VPS54: variants seen among roughly 807,000 people sequenced by gnomAD.
VPS54 encodes the protein vacuolar protein sorting-associated protein 54.
In VPS54, 45 loss-of-function variants were observed where a neutral mutation model predicts 121.5. The observed-to-expected ratio is 0.37, with a 90% confidence interval of 0.29 to 0.47. VPS54 has a LOEUF of 0.47. VPS54 is among the 20% of genes least tolerant of loss of function. The probability of loss-of-function intolerance (pLI) is 0.99; values close to 1 mark genes in which losing one functional copy is unlikely to be tolerated. For missense variants in VPS54, 1,090 were observed against 1,131.4 expected (o/e 0.96, Z 0.52); for synonymous variants, 371 against 385.8 (o/e 0.96, Z 0.45).
chr2:63,902,519 C>T (rs944951155), intron 20 of VPS54, among the ~76,000 whole-genome samples: 2 of 151,994 alleles, frequency 1.3e-5, no homozygotes, highest in Non-Finnish European at 2.9e-5. Context: ...CTCACAGTCT[C>T]TACTGTTCTT....
chr2:63,992,848 T>C (rs777549729), intron 1 of VPS54, among the ~76,000 whole-genome samples: 54 of 152,232 alleles, frequency 3.5e-4, no homozygotes, highest in Admixed American at 3.9e-4. Flanking sequence ...AATCAGATTG[T>C]GAAAAATTTG....
chr2:63,916,473 C>A (rs192355866), intron 16 of VPS54, among the ~76,000 whole-genome samples: 2 of 152,062 alleles, frequency 1.3e-5, no homozygotes, highest in African/African-American at 2.4e-5. Context: ...ACTTAATTTT[C>A]GCAATAATTC....
intron 22 of VPS54, among the ~76,000 whole-genome samples, chr2:63,894,236 C>CA (rs1672346220): frequency 6.6e-6 from 1 of 152,180 alleles, no homozygotes; most frequent in South Asian, 2.1e-4. Flanking sequence ...CAGCCACTGT[C>CA]AATACCTAAC....
At chr2:64,011,246 G>C (rs1347229707) in intron 1 of VPS54, among the ~76,000 whole-genome samples, 1 of 152,058 alleles carries the variant, frequency 6.6e-6, no homozygotes, top group Admixed American at 6.6e-5. Flanking sequence ...CCAGCACTCA[G>C]AGAATTATAA....
chr2:63,893,459 T>C lies in VPS54; in HGVS notation c.2905A>G (p.Met969Val), dbSNP rs1575872982. 3.1e-6 allele frequency: 5 copies of C among 1,614,084 alleles called. No homozygotes were observed. Among genetic ancestry groups the C allele is most frequent in the Non-Finnish European group, 4.2e-6 (5 of 1,179,942 alleles). The part of the protein sequence containing the change: ...LKGLKDLDLN[M>V]AEIWEQKR ...CTCTTCTGCTCCCAAATTTCGGCCA[T>C]ATTTAGGTCCAAATCTTTAAGGCCT... The change falls in exon 23 of 23, where the codon ATG (methionine) becomes GTG (valine). Residue 969 changes from methionine to valine, a missense_variant. Met to Val is a conservative substitution (Grantham distance 21, BLOSUM62 1). Transcript: ENST00000272322.
intron 20 of VPS54, among the ~76,000 whole-genome samples, chr2:63,903,671 C>G (rs1318431407): frequency 6.6e-6 from 1 of 152,034 alleles, no homozygotes; most frequent in Non-Finnish European, 1.5e-5. Flanking sequence ...AAAGTTCTTA[C>G]ACAATCAGGG....
chr2:63,944,651 A>T lies in VPS54; in HGVS notation c.1250T>A (p.Val417Glu). 1.2e-6 allele frequency: 2 copies of T among 1,608,238 alleles called. No homozygotes were observed. Among genetic ancestry groups the T allele is most frequent in the Non-Finnish European group, 1.7e-6 (2 of 1,177,842 alleles). ...TTCTGTTTGTGAAACTTTATTAATC[A>T]CACACTGCAAAATTTAAGAAAAAAC... ...ITAKNIIKQC[V>E]INKVSQTEEI... Residue 417 changes from valine (V) to glutamate (E), a missense_variant, in exon 10 of 23, where the codon GTG (valine) becomes GAG (glutamate). By Grantham distance (121) the Val-to-Glu change is moderately radical. Transcript: ENST00000272322.
At chr2:63,960,594 G>A (rs1187150340) in intron 7 of VPS54, among the ~76,000 whole-genome samples, 1 of 152,102 alleles carries the variant, frequency 6.6e-6, no homozygotes, top group Non-Finnish European at 1.5e-5. Flanking sequence ...TCTCAGCTCT[G>A]TACTATCTAT....
intron 13 of VPS54, 89 bp from the exon 14 acceptor site, chr2:63,920,716 A>G (rs1673604330): frequency 8.4e-6 from 6 of 716,996 alleles, no homozygotes; most frequent in Non-Finnish European, 1.1e-5. Context: ...TATAATCTAT[A>G]TATTTTTTAT....
intron 7 of VPS54, among the ~76,000 whole-genome samples, chr2:63,950,697 C>G (rs1403711153): frequency 6.6e-6 from 1 of 152,174 alleles, no homozygotes; most frequent in Non-Finnish European, 1.5e-5. Context: ...TTCATTTGCA[C>G]AAAACAGTAA....
intron 1 of VPS54, among the ~76,000 whole-genome samples, chr2:63,990,564 C>T (rs887239969): frequency 2.0e-5 from 3 of 152,138 alleles, no homozygotes; most frequent in African/African-American, 7.2e-5. Flanking sequence ...CACCAGGATA[C>T]CTCTGCTCCT....
intron 1 of VPS54, among the ~76,000 whole-genome samples, chr2:64,008,458 G>A (rs1356642163): frequency 1.3e-5 from 2 of 151,552 alleles, no homozygotes; most frequent in African/African-American, 2.4e-5. Context: ...AAAGGAGATG[G>A]TCAGAGTTAC....
At chr2:63,933,584 T>G in intron 12 of VPS54, 89 bp downstream of exon 12, 1 of 1,238,820 alleles carries the variant, frequency 8.1e-7, no homozygotes. Flanking sequence ...TTTACATGGT[T>G]TTTCAATAAA....
chr2:63,907,515 T>A, intron 20 of VPS54, among the ~76,000 whole-genome samples: 1 of 118,624 alleles, frequency 8.4e-6, no homozygotes. Context: ...AGAAACTCCA[T>A]CTCAAAAAAA....
At chr2:63,937,531 G>A (rs1674506762) in intron 11 of VPS54, among the ~76,000 whole-genome samples, 1 of 152,144 alleles carries the variant, frequency 6.6e-6, no homozygotes, top group Admixed American at 6.5e-5. Flanking sequence ...CTGAAACCCT[G>A]CACTATTGGT....
At chr2:63,976,010 G>C (rs527723502) in intron 3 of VPS54, among the ~76,000 whole-genome samples, 1 of 152,270 alleles carries the variant, frequency 6.6e-6, no homozygotes, top group South Asian at 2.1e-4. Flanking sequence ...GATTACAGGC[G>C]TGAGCCGACA....
intron 1 of VPS54, among the ~76,000 whole-genome samples, chr2:63,994,904 A>T (rs1333151466): frequency 6.6e-6 from 1 of 152,190 alleles, no homozygotes; most frequent in Non-Finnish European, 1.5e-5. Context: ...CTTCTGGTGG[A>T]AGGGAATGCC....
At chr2:64,008,850 A>C (rs893611262) in intron 1 of VPS54, among the ~76,000 whole-genome samples, 8 of 152,276 alleles carry the variant, frequency 5.3e-5, no homozygotes, top group African/African-American at 1.4e-4. Flanking sequence ...AGTCAAATAC[A>C]GTGAACACTA....
intron 12 of VPS54, among the ~76,000 whole-genome samples, chr2:63,926,912 G>A (rs1349421215): frequency 6.6e-6 from 1 of 152,188 alleles, no homozygotes; most frequent in Non-Finnish European, 1.5e-5. Flanking sequence ...ATCCACCTGG[G>A]ATGTGAGAGC....
Sources: allele counts gnomAD v4.1 joint callset (sites outside exome capture counted in the v4.1 genomes callset), GRCh38; gene constraint gnomAD v4.1.1; transcripts MANE v1.5; gene names NCBI Gene and HGNC (gene_info 2026-07-23, HGNC 2026-07-21).